CCDC148: variants seen among roughly 807,000 people sequenced by gnomAD.
The protein encoded by CCDC148 is coiled-coil domain containing 148.
Under a neutral mutation model 85.7 loss-of-function variants are expected in CCDC148, and 89 were observed. The observed-to-expected ratio is 1.04, with a 90% CI of 0.87 to 1.24. CCDC148 has a LOEUF of 1.24. Ranked by LOEUF, CCDC148 falls within the 50% of genes most tolerant of loss-of-function variation. The pLI, the probability that CCDC148 is intolerant of heterozygous loss-of-function variation, is 0.00. For synonymous variants in CCDC148, 230 were observed against 213.9 expected (o/e 1.08, Z -0.66); for missense variants, 692 against 671.7 (o/e 1.03, Z -0.33).
At chr2:158,277,077 C>T (rs576738090) in intron 9 of CCDC148, among the ~76,000 whole-genome samples, 3 of 152,162 alleles carry the variant, frequency 2.0e-5, no homozygotes, top group Non-Finnish European at 4.4e-5. Context: ...TGAAGAAATT[C>T]AGGTACCTTA....
intron 11 of CCDC148, among the ~76,000 whole-genome samples, chr2:158,185,974 C>T (rs998521343): frequency 3.3e-5 from 5 of 152,076 alleles, no homozygotes; most frequent in Non-Finnish European, 7.4e-5. Flanking sequence ...CCACACCTGA[C>T]CCCATTCTCA....
At chr2:158,287,069 A>C (rs1172942394) in intron 9 of CCDC148, among the ~76,000 whole-genome samples, 1 of 152,148 alleles carries the variant, frequency 6.6e-6, no homozygotes, top group Admixed American at 6.5e-5. Flanking sequence ...AAAAATCAGG[A>C]AGAAGCAAAA....
chr2:158,315,886 A>G (rs1692256936), intron 7 of CCDC148, among the ~76,000 whole-genome samples: 1 of 152,194 alleles, frequency 6.6e-6, no homozygotes, highest in Admixed American at 6.5e-5. Context: ...GATCAACTCT[A>G]TGATACCTTT....
chr2:158,254,321 T>A (rs535900682), intron 9 of CCDC148, among the ~76,000 whole-genome samples: 1 of 151,660 alleles, frequency 6.6e-6, no homozygotes, highest in African/African-American at 2.4e-5. Flanking sequence ...TTATGTTCTA[T>A]AACGTTAGAG....
chr2:158,173,871 G>A (rs1357995581), intron 13 of CCDC148, among the ~76,000 whole-genome samples: 2 of 151,912 alleles, frequency 1.3e-5, no homozygotes, highest in Admixed American at 6.6e-5. Context: ...TCCATGTTGT[G>A]AGGCTTAAAT....
rs1015040602 is a variant in CCDC148, at chr2:158,404,421, G to A, written c.26-45851C>T. 4.6e-5 allele frequency among the ~76,000 whole-genome samples: 7 copies of A among 152,152 alleles called. No homozygotes were observed. In the East Asian group the frequency reaches 7.7e-4, roughly 17 times the overall value. ...ATATTAGCAATGAGAAGGAGGAAGC[G>A]CTTGAGTGAATAAAAAACTTCCAAT... On this transcript the variant is annotated intron_variant, in intron 1 of 13. Coordinates refer to ENST00000283233, the MANE Select transcript of CCDC148 (RefSeq NM_138803.4).
chr2:158,234,246 T>G (rs1057372208), intron 10 of CCDC148, among the ~76,000 whole-genome samples: 3 of 152,128 alleles, frequency 2.0e-5, no homozygotes, highest in African/African-American at 7.2e-5. Flanking sequence ...AAAAACTCTC[T>G]ACATGAGTAA....
intron 1 of CCDC148, among the ~76,000 whole-genome samples, chr2:158,443,742 TG>T (rs1278782272): frequency 6.6e-6 from 1 of 152,176 alleles, no homozygotes; most frequent in Non-Finnish European, 1.5e-5. Context: ...GGAATATTTC[TG>T]CCCAGCTGAG....
chr2:158,194,216 C>A (rs765631203), intron 11 of CCDC148, among the ~76,000 whole-genome samples: 11 of 151,952 alleles, frequency 7.2e-5, no homozygotes, highest in Non-Finnish European at 1.5e-4. Context: ...TGTTTCCAAG[C>A]AAGATTTGAA....
At chr2:158,323,091 C>A (rs979793879) in intron 7 of CCDC148, among the ~76,000 whole-genome samples, 13 of 152,014 alleles carry the variant, frequency 8.6e-5, no homozygotes, top group Non-Finnish European at 1.6e-4. Flanking sequence ...AAATACAGCC[C>A]AAATAGAATC....
chr2:158,278,460 C>T (rs1331957225), intron 9 of CCDC148, among the ~76,000 whole-genome samples: 1 of 152,200 alleles, frequency 6.6e-6, no homozygotes, highest in Non-Finnish European at 1.5e-5. Context: ...AAAAATGGCG[C>T]ACCAGGAGAT....
chr2:158,420,655 G>A (rs956633748), intron 1 of CCDC148, among the ~76,000 whole-genome samples: 3 of 152,094 alleles, frequency 2.0e-5, no homozygotes, highest in African/African-American at 4.8e-5. Flanking sequence ...AAAGACCATC[G>A]ATGCTAGGAA....
chr2:158,419,771 C>T (rs1359663139), intron 1 of CCDC148, among the ~76,000 whole-genome samples: 2 of 152,132 alleles, frequency 1.3e-5, no homozygotes, highest in Non-Finnish European at 2.9e-5. Flanking sequence ...CCATTTCCCT[C>T]ATTAGAAACT....
intron 11 of CCDC148, among the ~76,000 whole-genome samples, chr2:158,196,672 C>T (rs571823033): frequency 3.3e-5 from 5 of 152,110 alleles, no homozygotes; most frequent in South Asian, 2.1e-4. Flanking sequence ...ACCTGAATAA[C>T]GTTCACACTG....
chr2:158,228,564 T>C (rs1380435424), intron 10 of CCDC148, among the ~76,000 whole-genome samples: 1 of 152,014 alleles, frequency 6.6e-6, no homozygotes, highest in African/African-American at 2.4e-5. Context: ...AACCCAAATG[T>C]CCAACAATGA....
At chr2:158,429,931 A>C (rs749477448) in intron 1 of CCDC148, among the ~76,000 whole-genome samples, 8 of 152,200 alleles carry the variant, frequency 5.3e-5, no homozygotes, top group Non-Finnish European at 1.2e-4. Flanking sequence ...TTCAGTAATC[A>C]GAGATCAGCA....
chr2:158,422,525 A>G (rs1328333367), intron 1 of CCDC148, among the ~76,000 whole-genome samples: 1 of 152,192 alleles, frequency 6.6e-6, no homozygotes, highest in East Asian at 1.9e-4. Context: ...CTTTGACGAA[A>G]TTCAACAGCC....
At chr2:158,291,498 C>A (rs1000176424) in intron 9 of CCDC148, among the ~76,000 whole-genome samples, 1 of 152,202 alleles carries the variant, frequency 6.6e-6, no homozygotes, top group Non-Finnish European at 1.5e-5. Context: ...CTCATCTCTT[C>A]CCAATGTCTA....
At chr2:158,315,051 GA>G (rs777438306) in intron 7 of CCDC148, among the ~76,000 whole-genome samples, 2 of 151,964 alleles carry the variant, frequency 1.3e-5, no homozygotes, top group Admixed American at 6.6e-5. Context: ...ATAATAGGGG[GA>G]AAAAAAGAGA....
Sources: allele counts gnomAD v4.1 joint callset (sites outside exome capture counted in the v4.1 genomes callset), GRCh38; gene constraint gnomAD v4.1.1; transcripts MANE v1.5; gene names NCBI Gene and HGNC (gene_info 2026-07-23, HGNC 2026-07-21).